CCSER1: variants seen among roughly 807,000 people sequenced by gnomAD.
The protein encoded by CCSER1 is serine-rich coiled-coil domain-containing protein 1.
CCSER1 carries 41 observed loss-of-function variants against 82.0 expected under a neutral mutation model. The ratio of observed to expected loss-of-function variants is 0.50; its 90% CI spans 0.39 to 0.65. The LOEUF (loss-of-function observed/expected upper bound fraction) is 0.65. Among genes scored for constraint, CCSER1 ranks in the 30% least tolerant of loss-of-function variants. CCSER1 has a pLI of 0.00. For synonymous variants in CCSER1, 414 were observed against 383.9 expected, an observed-to-expected ratio of 1.08 and a Z score of -0.92; for missense variants, 1,119 against 1,064.2, an observed-to-expected ratio of 1.05 and a Z score of -0.72.
chr4:90,235,851 T>C (rs1745691906), intron 1 of CCSER1, among the ~76,000 whole-genome samples: 1 of 152,096 alleles, frequency 6.6e-6, no homozygotes, highest in African/African-American at 2.4e-5. Context: ...CTTCCAACCC[T>C]AACTCAGAAG....
At chr4:90,808,279 A>G (rs1757786226) in intron 7 of CCSER1, among the ~76,000 whole-genome samples, 1 of 152,206 alleles carries the variant, frequency 6.6e-6, no homozygotes, top group South Asian at 2.1e-4. Context: ...CCCTAAAACC[A>G]TAAAAATTAT....
intron 8 of CCSER1, among the ~76,000 whole-genome samples, chr4:90,921,906 A>G (rs537103221): frequency 2.6e-5 from 4 of 152,014 alleles, no homozygotes; most frequent in Non-Finnish European, 1.5e-5. Flanking sequence ...ACCTATTACT[A>G]CCTCTCCCTG....
At chr4:90,544,762 CA>C (rs1015109253) in intron 5 of CCSER1, among the ~76,000 whole-genome samples, 14 of 152,060 alleles carry the variant, frequency 9.2e-5, no homozygotes, top group Admixed American at 7.2e-4. Context: ...CAAGCAAAGG[CA>C]CTCCCATAAG....
At chr4:90,557,305 C>T (rs1778255840) in intron 5 of CCSER1, among the ~76,000 whole-genome samples, 1 of 152,004 alleles carries the variant, frequency 6.6e-6, no homozygotes, top group African/African-American at 2.4e-5. Context: ...TTGATCGATA[C>T]AGCAAAGATT....
In CCSER1 at chr4:91,535,804, A is replaced by C. The variant is rs140621920; in HGVS notation, c.2218-62768A>C. Among the ~76,000 whole-genome samples the C allele has an allele frequency of 1.1e-3, 160 of 152,216 alleles. 1 individual carries two copies. Among genetic ancestry groups the C allele is most frequent in the African/African-American group, 3.4e-3 (142 of 41,560 alleles). On this transcript the variant is annotated intron_variant, in intron 10 of 10. Coordinates refer to ENST00000509176, the MANE Select transcript of CCSER1 (RefSeq NM_001145065.2). ...TCCTTGTAATGAAGCTTGAATTTTA[A>C]CTTAATAAGACATAAACGTAATGAC...
chr4:90,675,684 G>GTTTTTTTTTTTTTTTTTTTTT (rs1560929991), intron 6 of CCSER1, among the ~76,000 whole-genome samples: 2 of 40 alleles, frequency 0.05, 1 homozygote, highest in Non-Finnish European at 0.091. Flanking sequence ...TGGGTTGGTG[G>GTTTTTTTTTTTTTTTTTTTTT]TTTTTTTTTT....
At chr4:91,152,933 T>A (rs553934734) in intron 10 of CCSER1, among the ~76,000 whole-genome samples, 1 of 152,122 alleles carries the variant, frequency 6.6e-6, no homozygotes, top group South Asian at 2.1e-4. Flanking sequence ...TCTCTCTCAT[T>A]GCCCTCAACA....
chr4:90,151,597 G>C (rs535493074), intron 1 of CCSER1, among the ~76,000 whole-genome samples: 3 of 152,078 alleles, frequency 2.0e-5, no homozygotes, highest in Admixed American at 2.0e-4. Flanking sequence ...TTGATAGACT[G>C]TCAGAATACT....
At chr4:90,354,059 G>T (rs1399426470) in intron 3 of CCSER1, among the ~76,000 whole-genome samples, 1 of 152,208 alleles carries the variant, frequency 6.6e-6, no homozygotes, top group African/African-American at 2.4e-5. Context: ...TGCACCAATG[G>T]ATAAACAGAT....
chr4:90,452,069 T>C (rs925041087), intron 4 of CCSER1, among the ~76,000 whole-genome samples: 1 of 152,134 alleles, frequency 6.6e-6, no homozygotes, highest in African/African-American at 2.4e-5. Flanking sequence ...TCTAGTTGAG[T>C]ACTCGTGCCT....
rs1047405267 is a variant in CCSER1, at chr4:90,768,369, A to G, written c.2010+44378A>G. Among the ~76,000 whole-genome samples, 49 of 152,208 alleles carry G rather than the reference A, an allele frequency of 3.2e-4. 1 individual carries two copies. Among genetic ancestry groups the G allele is most frequent in the Non-Finnish European group, 1.5e-5 (1 of 68,042 alleles). On this transcript the variant is annotated intron_variant, in intron 7 of 10. Coordinates refer to ENST00000509176, the MANE Select transcript of CCSER1 (RefSeq NM_001145065.2). ...GAGATACTGAGCTGGAGGCACCAAC[A>G]TAAGCTAGGCCTAATTTCTGACCCA...
chr4:91,557,812 TTG>T (rs761517366), intron 10 of CCSER1, among the ~76,000 whole-genome samples: 8 of 151,426 alleles, frequency 5.3e-5, no homozygotes, highest in Non-Finnish European at 1.2e-4. Flanking sequence ...TCATTGACAG[TTG>T]TTATATTAAT....
chr4:91,422,918 C>T, intron 10 of CCSER1, among the ~76,000 whole-genome samples: 1 of 151,998 alleles, frequency 6.6e-6, no homozygotes, highest in Non-Finnish European at 1.5e-5. Flanking sequence ...ATTTCAATGT[C>T]AACTTTTTAA....
intron 7 of CCSER1, among the ~76,000 whole-genome samples, chr4:90,791,918 A>C (rs1755314793): frequency 6.6e-6 from 1 of 152,098 alleles, no homozygotes; most frequent in Non-Finnish European, 1.5e-5. Context: ...TTTTATATGC[A>C]CTGGGAAACC....
chr4:90,489,603 G>A (rs1767647677), intron 5 of CCSER1, among the ~76,000 whole-genome samples: 1 of 152,094 alleles, frequency 6.6e-6, no homozygotes, highest in Non-Finnish European at 1.5e-5. Context: ...CATGCACCAT[G>A]TTGGTGTGCT....
intron 10 of CCSER1, among the ~76,000 whole-genome samples, chr4:91,511,247 T>C (rs1265617852): frequency 3.3e-5 from 5 of 152,178 alleles, no homozygotes; most frequent in African/African-American, 1.2e-4. Flanking sequence ...TAGTCTAAAG[T>C]TGAGTAATAT....
chr4:91,477,883 A>G (rs888268722), intron 10 of CCSER1, among the ~76,000 whole-genome samples: 1 of 151,832 alleles, frequency 6.6e-6, no homozygotes, highest in Non-Finnish European at 1.5e-5. Flanking sequence ...TTTGAGCTAG[A>G]GGGCATATGG....
At chr4:90,541,185 G>T (rs1004604529) in intron 5 of CCSER1, among the ~76,000 whole-genome samples, 9 of 152,156 alleles carry the variant, frequency 5.9e-5, no homozygotes, top group South Asian at 2.1e-4. Flanking sequence ...AGAAAAGGAT[G>T]TAGAAATTGC....
chr4:90,257,177 A>G (rs1487220516), intron 1 of CCSER1, among the ~76,000 whole-genome samples: 4 of 151,724 alleles, frequency 2.6e-5, no homozygotes, highest in Non-Finnish European at 5.9e-5. Context: ...AGGAGATGGC[A>G]TAAAATATCA....
Sources: allele counts gnomAD v4.1 joint callset (sites outside exome capture counted in the v4.1 genomes callset), GRCh38; gene constraint gnomAD v4.1.1; transcripts MANE v1.5; gene names NCBI Gene and HGNC (gene_info 2026-07-23, HGNC 2026-07-21).